LRRTM4: variants seen among roughly 807,000 people sequenced by gnomAD.
LRRTM4 encodes leucine rich repeat transmembrane neuronal 4.
LRRTM4 carries 25 observed loss-of-function variants against 47.6 expected under a neutral mutation model. The ratio of observed to expected loss-of-function variants is 0.53; its 90% CI spans 0.38 to 0.73. The LOEUF is 0.73. Ranked by LOEUF, LRRTM4 falls within the 30% of genes least tolerant of loss-of-function variation. The pLI is 0.00. For missense variants in LRRTM4, 638 were observed against 713.4 expected (o/e 0.89, Z 1.20); for synonymous variants, 311 against 269.5 (o/e 1.15, Z -1.51).
Position 77,372,167 on chromosome 2 carries a change from T to C in LRRTM4, c.1551+146151A>G, listed in dbSNP as rs530385084. On this transcript the variant is annotated intron_variant, in intron 3 of 3. Transcript: ENST00000409884. ...CTTTGTGCAGGAGGAAGACATTAGTTTTGTTATTCTGGTTAGGAACAAACC... is the reference window on the plus strand; with the variant it reads ...CTTTGTGCAGGAGGAAGACATTAGTCTTGTTATTCTGGTTAGGAACAAACC... Among the ~76,000 whole-genome samples, 4 of 151,820 alleles carry C rather than the reference T, an allele frequency of 2.6e-5. No individual in the cohort carries two copies. The South Asian group carries it at 8.3e-4, about 31-fold the overall frequency.
chr2:77,104,618 G>A lies in LRRTM4; in HGVS notation c.1552-355702C>T, dbSNP rs117969038. On this transcript the variant is annotated intron_variant, in intron 3 of 3. Transcript: ENST00000409884. ...AAGTGCTAAAGACCCAGACAGATAA[G>A]CATTTGTGCAGAAGGAAGCACAAGA... Among the ~76,000 whole-genome samples the A allele has an allele frequency of 6.6e-4, 100 of 152,236 alleles. 1 individual carries two copies. In the East Asian group the frequency reaches 0.018, roughly 28 times the overall value.
intron 3 of LRRTM4, among the ~76,000 whole-genome samples, chr2:77,150,987 A>C (rs1672402939): frequency 6.6e-6 from 1 of 152,070 alleles, no homozygotes; most frequent in South Asian, 2.1e-4. Flanking sequence ...TTTAAGTTTT[A>C]CTGAGAAATA....
chr2:77,280,628 C>G (rs1676483136), intron 3 of LRRTM4, among the ~76,000 whole-genome samples: 1 of 151,770 alleles, frequency 6.6e-6, no homozygotes, highest in Non-Finnish European at 1.5e-5. Context: ...TGTGACTTTG[C>G]CCGTTACTAT....
At chr2:76,931,935 C>G (rs549920544) in intron 3 of LRRTM4, among the ~76,000 whole-genome samples, 1 of 152,164 alleles carries the variant, frequency 6.6e-6, no homozygotes, top group African/African-American at 2.4e-5. Flanking sequence ...ATGGGCAGAA[C>G]AGGGAGGTTA....
chr2:77,288,764 C>T (rs2104121050), intron 3 of LRRTM4, among the ~76,000 whole-genome samples: 1 of 152,148 alleles, frequency 6.6e-6, no homozygotes, highest in South Asian at 2.1e-4. Flanking sequence ...TATGTTCAAA[C>T]TCATCCTGTG....
At chr2:76,805,581 G>A (rs1368607960) in intron 3 of LRRTM4, among the ~76,000 whole-genome samples, 1 of 152,092 alleles carries the variant, frequency 6.6e-6, no homozygotes, top group Non-Finnish European at 1.5e-5. Flanking sequence ...GTGAGAACAA[G>A]GAAGCATATA....
intron 3 of LRRTM4, among the ~76,000 whole-genome samples, chr2:77,118,606 G>A (rs1671449692): frequency 6.6e-6 from 1 of 151,818 alleles, no homozygotes; most frequent in South Asian, 2.1e-4. Flanking sequence ...CTAAAATTGA[G>A]TCTATCAAGG....
intron 3 of LRRTM4, among the ~76,000 whole-genome samples, chr2:76,992,903 A>G (rs1374871955): frequency 6.6e-6 from 1 of 151,904 alleles, no homozygotes; most frequent in African/African-American, 2.4e-5. Context: ...CCAAAACAGC[A>G]TGGTACTGGT....
chr2:77,445,626 G>A (rs1676022010), intron 3 of LRRTM4, among the ~76,000 whole-genome samples: 2 of 151,934 alleles, frequency 1.3e-5, no homozygotes, highest in Non-Finnish European at 2.9e-5. Context: ...AGCTTAACAT[G>A]CTCAGGATAT....
chr2:77,315,650 A>AT (rs1054074146), intron 3 of LRRTM4, among the ~76,000 whole-genome samples: 6 of 151,262 alleles, frequency 4.0e-5, no homozygotes, highest in South Asian at 4.2e-4. Flanking sequence ...CCTTTGAGCA[A>AT]TTTTTTTTTG....
At chr2:76,752,278 A>G (rs1025486121) in intron 3 of LRRTM4, among the ~76,000 whole-genome samples, 2 of 152,180 alleles carry the variant, frequency 1.3e-5, no homozygotes, top group Non-Finnish European at 2.9e-5. Flanking sequence ...AATTTAAACT[A>G]TAGTGGGAGA....
Position 76,796,247 on chromosome 2 carries a change from C to CA in LRRTM4, c.1552-47332_1552-47331insT, listed in dbSNP as rs1349835297. Reference sequence around the variant, plus strand: ...CGGCAGCCAGGCTGGGGGAGGGGTGCCCGCCATTGAACAGGCTTGATTAGG... The same window carrying CA: ...CGGCAGCCAGGCTGGGGGAGGGGTGCACCGCCATTGAACAGGCTTGATTAGG... On this transcript the variant is annotated intron_variant, in intron 3 of 3. Transcript: ENST00000409884. Among the ~76,000 whole-genome samples the CA allele has an allele frequency of 2.2e-3, 265 of 119,064 alleles. 6 individuals are homozygous for CA. The highest frequency in any genetic ancestry group is 9.2e-3 in the African/African-American group (253 of 27,632). The allele number at this position is 119,064 out of a possible 152,430, so 78.1% of individuals were successfully genotyped here. A position where few individuals can be genotyped will look rare whatever the true frequency, so the allele number is the denominator to read the frequency against.
At chr2:77,081,762 A>C (rs1260082592) in intron 3 of LRRTM4, among the ~76,000 whole-genome samples, 1 of 152,182 alleles carries the variant, frequency 6.6e-6, no homozygotes, top group Non-Finnish European at 1.5e-5. Flanking sequence ...AATGCTGCAC[A>C]CTGAAAAACT....
chr2:77,383,584 T>G (rs1673144778), intron 3 of LRRTM4, among the ~76,000 whole-genome samples: 1 of 152,092 alleles, frequency 6.6e-6, no homozygotes, highest in Non-Finnish European at 1.5e-5. Flanking sequence ...TAAATATGAT[T>G]AATAATTATT....
intron 3 of LRRTM4, among the ~76,000 whole-genome samples, chr2:77,257,621 A>C (rs1342018506): frequency 3.3e-5 from 5 of 152,076 alleles, no homozygotes; most frequent in African/African-American, 1.2e-4. Context: ...GAAAGCCTTG[A>C]CAAGAGCAGG....
chr2:77,518,000 A>C, intron 3 of LRRTM4: 4 of 1,066,544 alleles, frequency 3.8e-6, no homozygotes, highest in Middle Eastern at 4.3e-4. Context: ...TTCAGAATGA[A>C]AAGAGTTTTG....
At chr2:77,292,200 G>A (rs1171594106) in intron 3 of LRRTM4, among the ~76,000 whole-genome samples, 1 of 149,466 alleles carries the variant, frequency 6.7e-6, no homozygotes. Context: ...GGAAACAACA[G>A]GTGCTGGAGA....
chr2:77,057,787 C>T (rs1679657633), intron 3 of LRRTM4, among the ~76,000 whole-genome samples: 1 of 152,088 alleles, frequency 6.6e-6, no homozygotes, highest in East Asian at 1.9e-4. Flanking sequence ...ACATACATAC[C>T]TACAAACATA....
chr2:77,510,354 A>G (rs1342948530), intron 3 of LRRTM4, among the ~76,000 whole-genome samples: 2 of 152,078 alleles, frequency 1.3e-5, no homozygotes, highest in African/African-American at 4.8e-5. Flanking sequence ...AGGAGGGAAG[A>G]ATTGAAATGC....
Sources: allele counts gnomAD v4.1 joint callset (sites outside exome capture counted in the v4.1 genomes callset), GRCh38; gene constraint gnomAD v4.1.1; transcripts MANE v1.5; gene names NCBI Gene and HGNC (gene_info 2026-07-23, HGNC 2026-07-21).